Variants in PCDH9 observed in about 807,000 individuals in gnomAD.
The protein encoded by PCDH9 is protocadherin 9.
PCDH9 carries 24 observed loss-of-function variants against 70.6 expected under a neutral mutation model. The ratio of observed to expected loss-of-function variants is 0.34; its 90% confidence interval spans 0.25 to 0.48. PCDH9 has a LOEUF of 0.48. Ranked by LOEUF, PCDH9 falls within the 20% of genes least tolerant of loss-of-function variation. The probability of loss-of-function intolerance (pLI) is 0.99; values close to 1 mark genes in which losing one functional copy is unlikely to be tolerated. For missense variants in PCDH9, 1,281 were observed against 1,503.6 expected (o/e 0.85, Z 2.45); for synonymous variants, 562 against 558.5 (o/e 1.01, Z -0.09).
At chr13:66,453,830 C>T (rs1958263887) in intron 4 of PCDH9, among the ~76,000 whole-genome samples, 1 of 152,094 alleles carries the variant, frequency 6.6e-6, no homozygotes, top group Non-Finnish European at 1.5e-5. Context: ...ATGCATATCT[C>T]ATTAACAGTA....
chr13:66,465,716 A>G (rs1420449953), intron 4 of PCDH9, among the ~76,000 whole-genome samples: 1 of 151,892 alleles, frequency 6.6e-6, no homozygotes, highest in Non-Finnish European at 1.5e-5. Flanking sequence ...AAAAGTATGA[A>G]ATTTCCTTTC....
intron 4 of PCDH9, among the ~76,000 whole-genome samples, chr13:66,481,015 A>G (rs1436218274): frequency 3.9e-5 from 6 of 152,140 alleles, no homozygotes; most frequent in Admixed American, 6.6e-5. Context: ...TTGCAGGGAC[A>G]TGGATGAAGC....
intron 4 of PCDH9, among the ~76,000 whole-genome samples, chr13:66,526,973 A>C: frequency 6.6e-6 from 1 of 152,160 alleles, no homozygotes; most frequent in East Asian, 1.9e-4. Context: ...GGTTGAACTA[A>C]ATGTTAGCAG....
At chr13:67,214,974 T>TATATATATATATATATATATA (rs2089567662) in intron 2 of PCDH9, 1 of 47,630 alleles carries the variant, frequency 2.1e-5, no homozygotes, top group Non-Finnish European at 5.1e-5. Flanking sequence ...ATATATATAT[T>TATATATATATATATATATATA]CACTTAATCT....
chr13:66,872,039 C>T (rs890615853), intron 3 of PCDH9, among the ~76,000 whole-genome samples: 6 of 151,268 alleles, frequency 4.0e-5, no homozygotes, highest in Non-Finnish European at 4.4e-5. Flanking sequence ...AACATGTCGT[C>T]TACTACTAGA....
chr13:66,813,704 C>T (rs1462601296), intron 3 of PCDH9, among the ~76,000 whole-genome samples: 1 of 151,978 alleles, frequency 6.6e-6, no homozygotes, highest in Non-Finnish European at 1.5e-5. Context: ...TATTCTTTAT[C>T]AAATATAACA....
chr13:67,140,872 G>A (rs1467778984), intron 2 of PCDH9, among the ~76,000 whole-genome samples: 1 of 152,198 alleles, frequency 6.6e-6, no homozygotes, highest in Non-Finnish European at 1.5e-5. Flanking sequence ...TGAACACTGT[G>A]TGTCTGCACA....
At chr13:67,199,200 T>C (rs2089150180) in intron 2 of PCDH9, among the ~76,000 whole-genome samples, 1 of 151,772 alleles carries the variant, frequency 6.6e-6, no homozygotes, top group South Asian at 2.1e-4. Context: ...AATTTATTTA[T>C]ATCTGGGTGT....
intron 3 of PCDH9, among the ~76,000 whole-genome samples, chr13:66,887,062 CA>C: frequency 6.6e-6 from 1 of 151,512 alleles, no homozygotes; most frequent in African/African-American, 2.4e-5. Flanking sequence ...CACACACACA[CA>C]CACACACACA....
intron 4 of PCDH9, among the ~76,000 whole-genome samples, chr13:66,383,348 C>G (rs1956878486): frequency 6.6e-6 from 1 of 152,156 alleles, no homozygotes; most frequent in African/African-American, 2.4e-5. Context: ...TACCTTTCTT[C>G]TAAGAAAAAT....
At chr13:66,999,504 C>T (rs2084194535) in intron 2 of PCDH9, among the ~76,000 whole-genome samples, 1 of 151,854 alleles carries the variant, frequency 6.6e-6, no homozygotes, top group East Asian at 1.9e-4. Flanking sequence ...AACTAAAGAG[C>T]TTCTGCACAG....
chr13:67,007,261 A>G (rs2084370974), intron 2 of PCDH9, among the ~76,000 whole-genome samples: 1 of 151,788 alleles, frequency 6.6e-6, no homozygotes, highest in African/African-American at 2.4e-5. Context: ...TACAGCCACC[A>G]AAAAAATTGT....
intron 4 of PCDH9, among the ~76,000 whole-genome samples, chr13:66,358,719 T>C (rs2138188579): frequency 1.3e-5 from 2 of 152,092 alleles, no homozygotes; most frequent in South Asian, 4.1e-4. Context: ...TATTGTTTAT[T>C]TCCATCTCCA....
At chr13:66,983,305 T>TA (rs1407377355) in intron 2 of PCDH9, among the ~76,000 whole-genome samples, 1 of 151,906 alleles carries the variant, frequency 6.6e-6, no homozygotes, top group Non-Finnish European at 1.5e-5. Flanking sequence ...ATTTAAAAAT[T>TA]AAAAAAATAA....
intron 3 of PCDH9, among the ~76,000 whole-genome samples, chr13:66,835,787 T>C (rs529103506): frequency 1.3e-5 from 2 of 152,328 alleles, no homozygotes; most frequent in East Asian, 1.9e-4. Flanking sequence ...AAGAGAGGAC[T>C]GCTTTTAATT....
intron 3 of PCDH9, among the ~76,000 whole-genome samples, chr13:66,638,241 G>T (rs560152583): frequency 6.6e-6 from 1 of 152,274 alleles, no homozygotes; most frequent in East Asian, 1.9e-4. Flanking sequence ...CAGTCCTGAG[G>T]ATTGTTTTGA....
intron 3 of PCDH9, among the ~76,000 whole-genome samples, chr13:66,737,904 CAGCGAGGCT>C (rs2079181428): frequency 3.6e-5 from 1 of 27,702 alleles, no homozygotes; most frequent in Admixed American, 3.9e-4. Flanking sequence ...TGCAAGGCGG[CAGCGAGGCT>C]GGGGGAGGGG....
intron 3 of PCDH9, among the ~76,000 whole-genome samples, chr13:66,729,857 C>A (rs1566153094): frequency 6.6e-6 from 1 of 152,128 alleles, no homozygotes; most frequent in Non-Finnish European, 1.5e-5. Flanking sequence ...ACATGTATCA[C>A]AATGTGCTAA....
At chr13:66,575,885 A>G (rs1048258467) in intron 4 of PCDH9, among the ~76,000 whole-genome samples, 1 of 152,088 alleles carries the variant, frequency 6.6e-6, no homozygotes, top group Admixed American at 6.6e-5. Flanking sequence ...TGTCTCTCCA[A>G]TACTCAGTAC....
Sources: gnomAD v4.1 joint callset for allele counts (sites outside exome capture counted in the v4.1 genomes callset) on GRCh38, gnomAD v4.1.1 for gene constraint, MANE v1.5 for transcripts, NCBI Gene and HGNC (gene_info 2026-07-23, HGNC 2026-07-21) for gene names.